NFX1: variants seen among roughly 807,000 people sequenced by gnomAD.
NFX1 encodes nuclear transcription factor, X-box binding 1.
NFX1 carries 69 observed loss-of-function variants against 137.2 expected under a neutral mutation model. The observed-to-expected ratio is 0.50, with a 90% CI of 0.41 to 0.61. The LOEUF (loss-of-function observed/expected upper bound fraction) is 0.61, where lower values mean the gene tolerates loss of function less well. Ranked by LOEUF, NFX1 falls within the 20% of genes least tolerant of loss-of-function variation. The probability of loss-of-function intolerance (pLI) is 0.00; values close to 1 mark genes in which losing one functional copy is unlikely to be tolerated. For missense variants in NFX1, 1,167 were observed against 1,391.0 expected (o/e 0.84, Z 2.56); for synonymous variants, 495 against 474.1 (o/e 1.04, Z -0.57).
intron 1 of NFX1, among the ~76,000 whole-genome samples, chr9:33,293,769 G>C (rs544271017): frequency 6.6e-6 from 1 of 152,232 alleles, no homozygotes; most frequent in African/African-American, 2.4e-5. Context: ...CTTTGGGATT[G>C]TAGACCAGAT....
chr9:33,315,515 T>C (rs1342504133), intron 7 of NFX1, among the ~76,000 whole-genome samples: 1 of 152,194 alleles, frequency 6.6e-6, no homozygotes, highest in African/African-American at 2.4e-5. Flanking sequence ...TCATATATTC[T>C]TTCCCCAGCG....
At chr9:33,321,280 C>T (rs541272490) in intron 9 of NFX1, among the ~76,000 whole-genome samples, 5 of 152,172 alleles carry the variant, frequency 3.3e-5, no homozygotes, top group African/African-American at 9.6e-5. Context: ...TAAGAGGGTA[C>T]CTGCTATACC....
chr9:33,293,151 C>T (rs879149730), intron 1 of NFX1, among the ~76,000 whole-genome samples: 4 of 152,232 alleles, frequency 2.6e-5, no homozygotes, highest in African/African-American at 7.2e-5. Context: ...AATACACAAA[C>T]TGAGTTGGAA....
At chr9:33,296,170 G>A (rs1362634881) in intron 2 of NFX1, among the ~76,000 whole-genome samples, 3 of 152,118 alleles carry the variant, frequency 2.0e-5, no homozygotes, top group Non-Finnish European at 4.4e-5. Context: ...CGGGTGATCC[G>A]CCTCGGCTTC....
intron 15 of NFX1, among the ~76,000 whole-genome samples, 194 bp from the exon 16 acceptor site, chr9:33,351,366 G>A (rs1353187003): frequency 6.6e-6 from 1 of 151,338 alleles, no homozygotes. Context: ...AGACTGAGAT[G>A]GGAGGATCAC....
Position 33,294,613 on chromosome 9 carries a change from T to C in NFX1, c.219T>C (p.Tyr73=), listed in dbSNP as rs759362441. ...DEISAVHQHS[Y]HPSGSKPKSQ... ...TCTCTGCTGTTCATCAGCATAGTTATCATCCGTCAGGAAGCAAACCTAAGA... is the reference window on the plus strand; with the variant it reads ...TCTCTGCTGTTCATCAGCATAGTTACCATCCGTCAGGAAGCAAACCTAAGA... The change falls in exon 2 of 24, where the codon TAT becomes TAC. Residue 73 remains tyrosine (Y), a synonymous_variant. Coordinates refer to ENST00000379540, the MANE Select transcript of NFX1 (RefSeq NM_002504.6). 3.0e-5 allele frequency: 49 copies of C among 1,614,094 alleles called. No individual in the cohort carries two copies. The highest frequency in any genetic ancestry group is 3.7e-5 in the Non-Finnish European group (44 of 1,180,044).
chr9:33,349,214 G>GACTA (rs1031878624), intron 15 of NFX1, among the ~76,000 whole-genome samples: 7 of 152,314 alleles, frequency 4.6e-5, no homozygotes, highest in Admixed American at 1.3e-4. Context: ...AAGTGAACGA[G>GACTA]ACTAACCCTT....
At chr9:33,352,770 A>G in intron 17 of NFX1, 51 bp downstream of exon 17, 4 of 1,473,440 alleles carry the variant, frequency 2.7e-6, no homozygotes, top group Non-Finnish European at 3.8e-6. Context: ...AAACAGATAC[A>G]TGTGTTTTGT....
intron 15 of NFX1, among the ~76,000 whole-genome samples, chr9:33,347,436 C>T (rs956609024): frequency 1.3e-5 from 2 of 152,170 alleles, no homozygotes; most frequent in Non-Finnish European, 1.5e-5. Context: ...TTCTGAAAAC[C>T]AATGTTGTCT....
Position 33,338,523 on chromosome 9 carries a change from G to A in NFX1, c.2049G>A (p.Met683Ile), listed in dbSNP as rs996590035. The change falls in exon 12 of 24, where the codon ATG becomes ATA. Residue 683 changes from methionine to isoleucine, a missense_variant. By Grantham distance (10) the Met-to-Ile change is conservative (BLOSUM62 1). This residue lies in a region of NFX1 where 488 missense variants were observed against 691.5 expected (regional missense o/e 0.71). Coordinates refer to ENST00000379540, the MANE Select transcript of NFX1 (RefSeq NM_002504.6). Reference protein sequence around the residue: ...TSLKSEDATFMCDKRCNKKRL... With the variant: ...TSLKSEDATFICDKRCNKKRL... ...TTGCCACAGCAGATGCTACATTTATGTGTGACAAGCGGTGTAACAAGAAAC... is the reference window on the plus strand; with the variant it reads ...TTGCCACAGCAGATGCTACATTTATATGTGACAAGCGGTGTAACAAGAAAC... 9 of 1,606,878 alleles carry A rather than the reference G, an allele frequency of 5.6e-6. No homozygotes were observed. Among genetic ancestry groups the A allele is most frequent in the Middle Eastern group, 3.3e-4 (2 of 6,036 alleles).
chr9:33,294,400 G>A lies in NFX1; in HGVS notation c.26-20G>A, dbSNP rs7033115. 1,751 of 1,528,392 alleles carry A rather than the reference G, an allele frequency of 1.1e-3. 23 individuals carry two copies. In the African/African-American group the frequency reaches 0.021, roughly 18 times the overall value. 94.7% of individuals were successfully genotyped at this position (1,528,392 alleles called of 1,614,324 possible). A position where few individuals can be genotyped will look rare whatever the true frequency, so the allele number is the denominator to read the frequency against. ...TGAAGTTTAATCTCTTTACTGGCAT[G>A]TCTATTTTTTATGTCCTAGGTACTT... On this transcript the variant is annotated intron_variant, in intron 1 of 23. Transcript: ENST00000379540.
intron 19 of NFX1, among the ~76,000 whole-genome samples, chr9:33,357,047 G>A (rs902987988): frequency 6.7e-5 from 10 of 149,320 alleles, no homozygotes; most frequent in Non-Finnish European, 1.3e-4. Flanking sequence ...CCGTAATGGT[G>A]GTGCCTATAA....
intron 2 of NFX1, 69 bp downstream of exon 2, chr9:33,295,496 C>T (rs1821322721): frequency 2.8e-6 from 4 of 1,444,376 alleles, no homozygotes; most frequent in Non-Finnish European, 2.8e-6. Flanking sequence ...GTCATATATT[C>T]ACATAATTTA....
intron 18 of NFX1, 143 bp from the exon 19 acceptor site, chr9:33,354,708 C>T (rs1461767230): frequency 1.5e-6 from 1 of 685,112 alleles, no homozygotes; most frequent in South Asian, 2.3e-5. Flanking sequence ...CAGGTGGCCT[C>T]ACAGGCTGCT....
chr9:33,311,283 G>C (rs1821950409), intron 6 of NFX1, 106 bp downstream of exon 6: 1 of 1,015,042 alleles, frequency 9.9e-7, no homozygotes, highest in Non-Finnish European at 1.5e-6. Flanking sequence ...ATAAATGGTA[G>C]GCATGAATAG....
At chr9:33,332,329 A>G in intron 10 of NFX1, 143 bp from the exon 11 acceptor site, 2 of 714,956 alleles carry the variant, frequency 2.8e-6, no homozygotes, top group Non-Finnish European at 4.5e-6. Context: ...CGCTCCAGAC[A>G]TGGCAAGTGA....
chr9:33,362,466 A>T (rs1564149973), intron 19 of NFX1, among the ~76,000 whole-genome samples: 1 of 152,192 alleles, frequency 6.6e-6, no homozygotes, highest in Non-Finnish European at 1.5e-5. Context: ...TTGCAACAAC[A>T]TGGATGGACC....
At chr9:33,317,723 C>A (rs947571523) in intron 7 of NFX1, among the ~76,000 whole-genome samples, 1 of 151,608 alleles carries the variant, frequency 6.6e-6, no homozygotes, top group Non-Finnish European at 1.5e-5. Flanking sequence ...CGCCTGTAGT[C>A]CCAGCCCTTT....
chr9:33,354,264 C>T (rs1823741138), intron 18 of NFX1, 77 bp downstream of exon 18: 12 of 1,167,096 alleles, frequency 1.0e-5, no homozygotes, highest in Non-Finnish European at 1.5e-5. Flanking sequence ...ATTCATTTAT[C>T]TCAATCCTTC....
Sources: gnomAD v4.1 joint callset for allele counts (sites outside exome capture counted in the v4.1 genomes callset) on GRCh38, gnomAD v4.1.1 for gene constraint, gnomAD v4.1.1 regional missense constraint, MANE v1.5 for transcripts, NCBI Gene and HGNC (gene_info 2026-07-23, HGNC 2026-07-21) for gene names.